Variants in GRK5 observed in about 807,000 individuals in gnomAD.
The protein encoded by GRK5 is G protein-coupled receptor kinase 5.
GRK5 carries 40 observed loss-of-function variants against 78.4 expected under a neutral mutation model. The observed-to-expected ratio is 0.51, with a 90% confidence interval of 0.40 to 0.66. The LOEUF (loss-of-function observed/expected upper bound fraction) is 0.66, where lower values mean the gene tolerates loss of function less well. Ranked by LOEUF, GRK5 falls within the 30% of genes least tolerant of loss-of-function variation. The pLI, the probability that GRK5 is intolerant of heterozygous loss-of-function variation, is 0.00. For missense variants in GRK5, 598 were observed against 759.9 expected (o/e 0.79, Z 2.50); for synonymous variants, 289 against 296.8 (o/e 0.97, Z 0.27).
At chr10:119,446,898 G>C (rs752982773) in intron 12 of GRK5, among the ~76,000 whole-genome samples, 1 of 152,268 alleles carries the variant, frequency 6.6e-6, no homozygotes, top group East Asian at 1.9e-4. Context: ...AGCAGGAAGT[G>C]TACATGGGAT....
chr10:119,269,475 G>A (rs576308968), intron 1 of GRK5, among the ~76,000 whole-genome samples: 88 of 152,166 alleles, frequency 5.8e-4, no homozygotes, highest in African/African-American at 1.7e-3. Context: ...CCGTGGGTAG[G>A]CCCTGTTCAG....
At chr10:119,385,307 C>T (rs1443277652) in intron 3 of GRK5, among the ~76,000 whole-genome samples, 5 of 152,134 alleles carry the variant, frequency 3.3e-5, no homozygotes, top group Non-Finnish European at 5.9e-5. Flanking sequence ...CTCTGTCATC[C>T]AGGCTGGAGT....
intron 1 of GRK5, among the ~76,000 whole-genome samples, chr10:119,266,462 C>CA (rs199781968): frequency 1.0e-3 from 143 of 141,880 alleles, no homozygotes; most frequent in Middle Eastern, 3.6e-3. Context: ...GACTCCGTCT[C>CA]AAAAAAAAAA....
intron 2 of GRK5, among the ~76,000 whole-genome samples, chr10:119,328,312 A>AG (rs1335044477): frequency 6.6e-6 from 1 of 151,990 alleles, no homozygotes; most frequent in Non-Finnish European, 1.5e-5. Context: ...GAGACTTTGC[A>AG]GGGGGCCTTC....
intron 1 of GRK5, among the ~76,000 whole-genome samples, chr10:119,291,932 T>TTTCCTCATCTTTTTCCTCCTTCTC (rs1849973003): frequency 1.1e-5 from 1 of 89,406 alleles, no homozygotes; most frequent in African/African-American, 4.7e-5. Context: ...TCCTCCTTCT[T>TTTCCTCATCTTTTTCCTCCTTCTC]TTCCTCCTCT....
At chr10:119,407,152 C>T (rs1431511102) in intron 4 of GRK5, among the ~76,000 whole-genome samples, 1 of 152,148 alleles carries the variant, frequency 6.6e-6, no homozygotes, top group Non-Finnish European at 1.5e-5. Flanking sequence ...TTCCGCTTCC[C>T]CTTCCCCTTC....
chr10:119,323,574 T>G (rs1850623042), intron 1 of GRK5, among the ~76,000 whole-genome samples: 1 of 152,146 alleles, frequency 6.6e-6, no homozygotes, highest in Non-Finnish European at 1.5e-5. Context: ...AGGATTGGCT[T>G]GTCTGGAGGC....
intron 1 of GRK5, among the ~76,000 whole-genome samples, chr10:119,298,814 G>C (rs775376075): frequency 6.6e-6 from 1 of 152,044 alleles, no homozygotes; most frequent in Non-Finnish European, 1.5e-5. Context: ...TGCACATGCT[G>C]TTCCCTCTGC....
At chr10:119,444,912 G>A (rs1853113082) in intron 12 of GRK5, among the ~76,000 whole-genome samples, 1 of 152,192 alleles carries the variant, frequency 6.6e-6, no homozygotes, top group African/African-American at 2.4e-5. Context: ...TTCTGCTCAG[G>A]AAGACCTGAG....
chr10:119,326,707 G>A (rs1040018952), intron 2 of GRK5, 96 bp downstream of exon 2: 46 of 892,210 alleles, frequency 5.2e-5, no homozygotes, highest in Non-Finnish European at 7.5e-5. Flanking sequence ...CCGCCAAGCT[G>A]TCTGTGCAGT....
chr10:119,409,245 C>A (rs1852295026), intron 4 of GRK5, among the ~76,000 whole-genome samples: 1 of 152,226 alleles, frequency 6.6e-6, no homozygotes, highest in Admixed American at 6.5e-5. Context: ...ACACACCCCA[C>A]CCCTCACCAA....
intron 2 of GRK5, among the ~76,000 whole-genome samples, chr10:119,359,645 A>G (rs1418897444): frequency 6.6e-6 from 1 of 152,180 alleles, no homozygotes; most frequent in East Asian, 1.9e-4. Flanking sequence ...AAGATGAACT[A>G]AGTTGGGACT....
At chr10:119,409,097 C>T (rs890553904) in intron 4 of GRK5, among the ~76,000 whole-genome samples, 9 of 152,228 alleles carry the variant, frequency 5.9e-5, no homozygotes, top group Non-Finnish European at 1.0e-4. Context: ...TGCATGCCAG[C>T]GCCCTCCGGG....
At chr10:119,276,217 T>G (rs1474057930) in intron 1 of GRK5, among the ~76,000 whole-genome samples, 4 of 152,134 alleles carry the variant, frequency 2.6e-5, no homozygotes, top group Admixed American at 2.0e-4. Flanking sequence ...GCTGCACCCA[T>G]TAACTCGTCA....
At chr10:119,425,986 G>A (rs2133888004) in intron 6 of GRK5, among the ~76,000 whole-genome samples, 1 of 152,360 alleles carries the variant, frequency 6.6e-6, no homozygotes, top group African/African-American at 2.4e-5. Flanking sequence ...GCGGGGCGAT[G>A]CCTGTGTAAA....
chr10:119,208,246 A>G (rs1279040094), intron 1 of GRK5, among the ~76,000 whole-genome samples: 2 of 152,244 alleles, frequency 1.3e-5, no homozygotes, highest in Non-Finnish European at 2.9e-5. Context: ...CCATCTCGGC[A>G]GCTGTTGAAA....
chr10:119,220,824 C>CAAA (rs546082321), intron 1 of GRK5, among the ~76,000 whole-genome samples: 5 of 127,198 alleles, frequency 3.9e-5, no homozygotes, highest in African/African-American at 1.5e-4. Flanking sequence ...GACAGAGGCT[C>CAAA]AAAAAAAAAA....
chr10:119,445,922 CT>C lies in GRK5; in HGVS notation c.1266+2171del, dbSNP rs145710700. Among the ~76,000 whole-genome samples, 12,367 of 152,154 alleles carry C rather than the reference CT, an allele frequency of 0.081. 748 individuals are homozygous for C. The highest frequency in any genetic ancestry group is 0.27 in the East Asian group (1,385 of 5,140). On this transcript the variant is annotated intron_variant, in intron 12 of 15. Transcript: ENST00000392870. This position sits in a 1 kb window ranked among gnomAD's most constrained non-coding sequence, Gnocchi z 4.1. ...TTAGCAGCCGCAGAACCCACTCCCC[CT>C]CCTCTGGAGCCCAGAAATTCACACA...
intron 1 of GRK5, among the ~76,000 whole-genome samples, chr10:119,299,775 A>G (rs1316630504): frequency 1.4e-5 from 2 of 146,884 alleles, no homozygotes; most frequent in African/African-American, 5.1e-5. Flanking sequence ...AGTGTGTCAC[A>G]GACTCTTCAT....
Sources: gnomAD v4.1 joint callset for allele counts (sites outside exome capture counted in the v4.1 genomes callset) on GRCh38, gnomAD v4.1.1 for gene constraint, Gnocchi (gnomAD v3.1) non-coding constraint, MANE v1.5 for transcripts, NCBI Gene and HGNC (gene_info 2026-07-23, HGNC 2026-07-21) for gene names.